HDX: variants seen among roughly 807,000 people sequenced by gnomAD.
The protein encoded by HDX is highly divergent homeobox.
HDX carries 19 observed loss-of-function variants against 45.2 expected under a neutral mutation model. The ratio of observed to expected loss-of-function variants is 0.42; its 90% CI spans 0.29 to 0.62. The LOEUF is 0.62. Among genes scored for constraint, HDX ranks in the 20% least tolerant of loss-of-function variants. HDX has a pLI of 0.20. For missense variants in HDX, 532 were observed against 493.9 expected (o/e 1.08, Z -0.73); for synonymous variants, 188 against 172.8 (o/e 1.09, Z -0.69).
intron 5 of HDX, 46 bp from the exon 6 acceptor site, chrX:84,361,658 T>C: frequency 1.0e-6 from 1 of 996,234 alleles, no homozygotes; most frequent in Non-Finnish European, 1.4e-6. Flanking sequence ...AAGTTTAGAA[T>C]AATCAAAGGA....
chrX:84,454,037 C>T (rs375378004), intron 4 of HDX, among the ~76,000 whole-genome samples: 6 of 111,560 alleles, frequency 5.4e-5, no homozygotes, highest in Non-Finnish European at 7.5e-5. Context: ...TGCTGACTGA[C>T]GTGCCCTTTG....
chrX:84,460,826 TAAAC>T (rs905398482), intron 4 of HDX, among the ~76,000 whole-genome samples: 11 of 112,194 alleles, frequency 9.8e-5, no homozygotes, highest in South Asian at 7.3e-4. Flanking sequence ...TTAGAACTAA[TAAAC>T]AAACTGAGTT....
intron 4 of HDX, among the ~76,000 whole-genome samples, chrX:84,464,459 T>G (rs1055016222): frequency 9.0e-6 from 1 of 111,623 alleles, no homozygotes; most frequent in African/African-American, 3.3e-5. Flanking sequence ...AACAGCATGG[T>G]ACTGGTACCA....
intron 6 of HDX, among the ~76,000 whole-genome samples, chrX:84,350,621 C>T (rs1298570882): frequency 5.4e-5 from 6 of 111,508 alleles, no homozygotes; most frequent in Non-Finnish European, 7.5e-5. Flanking sequence ...CTGAAGTTTA[C>T]TTTATCCGAT....
chrX:84,440,668 C>T (rs2039741437), intron 4 of HDX, 83 bp from the exon 5 acceptor site: 1 of 571,399 alleles, frequency 1.8e-6, no homozygotes, highest in South Asian at 2.9e-5. Context: ...ATTTCACACA[C>T]TATTTCAAGA....
chrX:84,501,887 A>C (rs893680529), intron 1 of HDX, among the ~76,000 whole-genome samples: 8 of 108,150 alleles, frequency 7.4e-5, no homozygotes, highest in Non-Finnish European at 1.3e-4. Flanking sequence ...ACAGTGACCC[A>C]CCCCGCCCCC....
intron 2 of HDX, among the ~76,000 whole-genome samples, chrX:84,482,767 A>G (rs1467403092): frequency 9.0e-6 from 1 of 111,532 alleles, no homozygotes; most frequent in East Asian, 2.8e-4. Context: ...GCCTTAATTC[A>G]TTCCAGGATT....
At chrX:84,327,348 C>G (rs1235234455) in intron 9 of HDX, among the ~76,000 whole-genome samples, 1 of 111,072 alleles carries the variant, frequency 9.0e-6, no homozygotes, top group Non-Finnish European at 1.9e-5. Flanking sequence ...CTATAACACT[C>G]AAATAAGATA....
chrX:84,486,527 T>C (rs67742994), intron 2 of HDX, among the ~76,000 whole-genome samples: 2,975 of 111,882 alleles, frequency 0.027, 70 homozygotes, highest in African/African-American at 0.085. Flanking sequence ...TTAACATTTT[T>C]AAGAATAGAT....
At chrX:84,374,420 A>C (rs1200874456) in intron 5 of HDX, among the ~76,000 whole-genome samples, 11 of 110,779 alleles carry the variant, frequency 9.9e-5, no homozygotes, top group African/African-American at 3.3e-4. Flanking sequence ...TTTAAAGTTC[A>C]TATGGAACCA....
intron 2 of HDX, among the ~76,000 whole-genome samples, chrX:84,480,012 T>G (rs2148167550): frequency 8.9e-6 from 1 of 111,920 alleles, no homozygotes; most frequent in Admixed American, 9.5e-5. Context: ...GCTAATTATT[T>G]ATATCTTGCC....
chrX:84,448,944 ATATC>A (rs1359580326), intron 4 of HDX, among the ~76,000 whole-genome samples: 1 of 109,880 alleles, frequency 9.1e-6, no homozygotes, highest in Non-Finnish European at 1.9e-5. Flanking sequence ...AAAAAGATAG[ATATC>A]ATTTAAAAAA....
chrX:84,449,209 C>A (rs766257087), intron 4 of HDX, among the ~76,000 whole-genome samples: 1 of 109,190 alleles, frequency 9.2e-6, no homozygotes, highest in Non-Finnish European at 1.9e-5. Flanking sequence ...TCCAAGAAGG[C>A]AAAAAAAGAA....
chrX:84,383,783 T>C (rs2038244059), intron 5 of HDX, among the ~76,000 whole-genome samples: 1 of 111,736 alleles, frequency 8.9e-6, no homozygotes, highest in Non-Finnish European at 1.9e-5. Context: ...CTCCCACTTA[T>C]AAGTAAGAGC....
At chrX:84,389,843 G>A (rs987683475) in intron 5 of HDX, among the ~76,000 whole-genome samples, 2 of 110,570 alleles carry the variant, frequency 1.8e-5, no homozygotes, top group African/African-American at 6.6e-5. Flanking sequence ...CTTGTTCCAT[G>A]GGAAGATTCC....
At chrX:84,389,906 C>T (rs771175080) in intron 5 of HDX, among the ~76,000 whole-genome samples, 1 of 111,181 alleles carries the variant, frequency 9.0e-6, no homozygotes, top group Non-Finnish European at 1.9e-5. Flanking sequence ...TATCTAGGAT[C>T]CCATAGGTCA....
intron 5 of HDX, among the ~76,000 whole-genome samples, chrX:84,399,584 TA>T (rs1197347690): frequency 9.1e-6 from 1 of 110,178 alleles, no homozygotes; most frequent in East Asian, 2.9e-4. Context: ...GCCTACTAAC[TA>T]AAAAAAAGCC....
intron 5 of HDX, among the ~76,000 whole-genome samples, chrX:84,413,343 C>T (rs1395753912): frequency 1.8e-5 from 2 of 111,583 alleles, no homozygotes; most frequent in Non-Finnish European, 3.8e-5. Flanking sequence ...TTCTTTAATT[C>T]CCTTGAGTGT....
At chrX:84,439,170 T>G (rs996154630) in intron 5 of HDX, among the ~76,000 whole-genome samples, 1 of 112,054 alleles carries the variant, frequency 8.9e-6, no homozygotes, top group Admixed American at 9.5e-5. Flanking sequence ...TGTTCAACGT[T>G]TTTTTCATGT....
Sources: allele counts gnomAD v4.1 joint callset (sites outside exome capture counted in the v4.1 genomes callset), GRCh38; gene constraint gnomAD v4.1.1; transcripts MANE v1.5; gene names NCBI Gene and HGNC (gene_info 2026-07-23, HGNC 2026-07-21).